STT3B: variants seen among roughly 807,000 people sequenced by gnomAD.
STT3B encodes STT3 oligosaccharyltransferase complex catalytic subunit B, also known as dolichyl-diphosphooligosaccharide--protein glycosyltransferase subunit STT3B.
Under a neutral mutation model 96.8 loss-of-function variants are expected in STT3B, and 29 were observed. The observed-to-expected ratio is 0.30, with a 90% CI of 0.22 to 0.41. STT3B has a LOEUF of 0.41. Among genes scored for constraint, STT3B ranks in the 10% least tolerant of loss-of-function variants. STT3B has a pLI of 1.00. For missense variants in STT3B, 640 were observed against 1,022.3 expected (o/e 0.63, Z 5.10); for synonymous variants, 367 against 360.0 (o/e 1.02, Z -0.22).
chr3:31,578,979 T>TA (rs1367447480), intron 2 of STT3B, among the ~76,000 whole-genome samples: 6 of 151,934 alleles, frequency 3.9e-5, no homozygotes, highest in Admixed American at 2.0e-4. Flanking sequence ...TGTTATGGAG[T>TA]AAAAAAAGAG....
intron 7 of STT3B, 70 bp downstream of exon 7, chr3:31,617,145 C>T: frequency 5.1e-6 from 6 of 1,174,416 alleles, no homozygotes; most frequent in Admixed American, 2.7e-5. Context: ...GCCAAAGTTT[C>T]TAAAATCTGA....
intron 1 of STT3B, among the ~76,000 whole-genome samples, chr3:31,546,119 T>A (rs1697406724): frequency 6.6e-6 from 1 of 152,206 alleles, no homozygotes; most frequent in Non-Finnish European, 1.5e-5. Context: ...TATGTGTGGA[T>A]GTTTGCTGGG....
intron 1 of STT3B, among the ~76,000 whole-genome samples, chr3:31,549,501 T>TC (rs1697498930): frequency 6.6e-6 from 1 of 152,102 alleles, no homozygotes; most frequent in Non-Finnish European, 1.5e-5. Flanking sequence ...TTATTAGTTG[T>TC]CCAACCACTT....
At chr3:31,572,085 A>G (rs10428116) in intron 1 of STT3B, among the ~76,000 whole-genome samples, 3 of 118,026 alleles carry the variant, frequency 2.5e-5, no homozygotes, top group Non-Finnish European at 3.6e-5. Context: ...ATTAATATAT[A>G]AGTATTAAGA....
intron 4 of STT3B, among the ~76,000 whole-genome samples, chr3:31,597,205 G>T (rs1698812676): frequency 6.6e-6 from 1 of 151,944 alleles, no homozygotes; most frequent in African/African-American, 2.4e-5. Flanking sequence ...TGTTGCCCAG[G>T]CTGGAGTGCA....
At chr3:31,603,941 G>A (rs1173664924) in intron 5 of STT3B, among the ~76,000 whole-genome samples, 2 of 152,022 alleles carry the variant, frequency 1.3e-5, no homozygotes, top group African/African-American at 2.4e-5. Flanking sequence ...CATACAATGA[G>A]TATGTGTTAA....
chr3:31,622,858 T>C (rs1358105529), intron 10 of STT3B, among the ~76,000 whole-genome samples: 1 of 152,196 alleles, frequency 6.6e-6, no homozygotes, highest in African/African-American at 2.4e-5. Flanking sequence ...TTGGTGCAAG[T>C]GTGAAAAGGA....
chr3:31,572,070 A>ATATATGAT (rs1230123294), intron 1 of STT3B, among the ~76,000 whole-genome samples: 2 of 103,986 alleles, frequency 1.9e-5, no homozygotes, highest in African/African-American at 7.6e-5. Context: ...TAATATATTA[A>ATATATGAT]ATATATTAAT....
intron 1 of STT3B, among the ~76,000 whole-genome samples, chr3:31,572,509 A>G (rs1479939367): frequency 3.3e-5 from 5 of 152,126 alleles, no homozygotes; most frequent in South Asian, 2.1e-4. Flanking sequence ...CATTGAAACA[A>G]TGTAATTGTT....
At chr3:31,559,001 T>C (rs1697791654) in intron 1 of STT3B, among the ~76,000 whole-genome samples, 1 of 151,790 alleles carries the variant, frequency 6.6e-6, no homozygotes, top group Non-Finnish European at 1.5e-5. Flanking sequence ...GTGGTACTAA[T>C]TTGTAGTGTC....
chr3:31,565,448 G>C (rs766387183), intron 1 of STT3B, among the ~76,000 whole-genome samples: 5 of 152,254 alleles, frequency 3.3e-5, no homozygotes, highest in Middle Eastern at 3.4e-3. Context: ...ACATTTTTTT[G>C]ATAATGAAGT....
At chr3:31,533,421 C>T in intron 1 of STT3B, 109 bp downstream of exon 1, 1 of 1,257,732 alleles carries the variant, frequency 8.0e-7, no homozygotes, top group Non-Finnish European at 1.0e-6. Context: ...CGCGGAGCCC[C>T]GCTCGCGTCC....
intron 3 of STT3B, among the ~76,000 whole-genome samples, chr3:31,589,684 T>A (rs73824196): frequency 0.053 from 8,055 of 152,058 alleles, 729 homozygotes; most frequent in African/African-American, 0.18. Flanking sequence ...GATTTTTATG[T>A]ATTGATCATA....
At chr3:31,579,601 GTA>G (rs1698339387) in intron 2 of STT3B, among the ~76,000 whole-genome samples, 1 of 145,400 alleles carries the variant, frequency 6.9e-6, no homozygotes, top group Non-Finnish European at 1.5e-5. Flanking sequence ...ATCTTTTTAT[GTA>G]TTCCTCCAGA....
intron 14 of STT3B, among the ~76,000 whole-genome samples, chr3:31,630,827 C>G (rs373212262): frequency 6.6e-6 from 1 of 151,556 alleles, no homozygotes; most frequent in Non-Finnish European, 1.5e-5. Context: ...GAGGGAGTCT[C>G]GCTCTGTCGC....
intron 4 of STT3B, among the ~76,000 whole-genome samples, chr3:31,598,767 C>T (rs771204981): frequency 2.0e-5 from 3 of 151,244 alleles, no homozygotes; most frequent in Non-Finnish European, 2.9e-5. Flanking sequence ...GAGTCATTAC[C>T]GAAATAATGG....
chr3:31,600,018 A>C (rs1375359175), intron 4 of STT3B, among the ~76,000 whole-genome samples: 1 of 152,120 alleles, frequency 6.6e-6, no homozygotes, highest in African/African-American at 2.4e-5. Context: ...TTATTTTCAA[A>C]ATTTATGATC....
At chr3:31,576,818 G>A (rs1698275339) in intron 2 of STT3B, among the ~76,000 whole-genome samples, 1 of 152,110 alleles carries the variant, frequency 6.6e-6, no homozygotes, top group Admixed American at 6.6e-5. Context: ...TAGCAATTTG[G>A]TTGAAAAAGC....
chr3:31,536,052 A>C (rs115815208), intron 1 of STT3B, among the ~76,000 whole-genome samples: 1 of 151,358 alleles, frequency 6.6e-6, no homozygotes, highest in Non-Finnish European at 1.5e-5. Flanking sequence ...GGTTTCAGAC[A>C]AAAAAAATAC....
Sources: gnomAD v4.1 joint callset for allele counts (sites outside exome capture counted in the v4.1 genomes callset) on GRCh38, gnomAD v4.1.1 for gene constraint, MANE v1.5 for transcripts, NCBI Gene and HGNC (gene_info 2026-07-23, HGNC 2026-07-21) for gene names.